APP: variants seen among roughly 807,000 people sequenced by gnomAD.
The protein encoded by APP is amyloid beta precursor protein, also known as amyloid-beta precursor protein.
Under a neutral mutation model 101.4 loss-of-function variants are expected in APP, and 31 were observed. The ratio of observed to expected loss-of-function variants is 0.31; its 90% CI spans 0.23 to 0.41. The LOEUF is 0.41. Among genes scored for constraint, APP ranks in the 10% least tolerant of loss-of-function variants. The pLI, the probability that APP is intolerant of heterozygous loss-of-function variation, is 1.00. For synonymous variants in APP, 366 were observed against 364.4 expected, an observed-to-expected ratio of 1.00 and a Z score of -0.05; for missense variants, 839 against 1,003.7, an observed-to-expected ratio of 0.84 and a Z score of 2.22.
intron 3 of APP, among the ~76,000 whole-genome samples, chr21:26,071,291 C>G (rs1161717816): frequency 6.6e-6 from 1 of 152,112 alleles, no homozygotes; most frequent in Non-Finnish European, 1.5e-5. Flanking sequence ...CCTAGCCCAT[C>G]CTATTACCCC....
intron 14 of APP, among the ~76,000 whole-genome samples, chr21:25,908,491 T>G (rs2038902049): frequency 6.6e-6 from 1 of 152,182 alleles, no homozygotes; most frequent in African/African-American, 2.4e-5. Flanking sequence ...TGTGTGTGTG[T>G]GTGCACATGT....
At chr21:26,088,028 G>T (rs183977913) in intron 3 of APP, among the ~76,000 whole-genome samples, 7 of 152,038 alleles carry the variant, frequency 4.6e-5, no homozygotes, top group Admixed American at 1.3e-4. Flanking sequence ...TAAGAGACGG[G>T]GTCTCATTAT....
At chr21:26,079,128 T>C (rs1470653826) in intron 3 of APP, among the ~76,000 whole-genome samples, 1 of 152,040 alleles carries the variant, frequency 6.6e-6, no homozygotes, top group Non-Finnish European at 1.5e-5. Context: ...AGAAGAGGGT[T>C]CTGAAGACAA....
intron 1 of APP, among the ~76,000 whole-genome samples, chr21:26,118,468 A>T (rs988362840): frequency 5.3e-5 from 8 of 152,232 alleles, no homozygotes; most frequent in African/African-American, 1.7e-4. Flanking sequence ...AACCATACAC[A>T]TACTATATAG....
chr21:26,152,158 G>A (rs1454978530), intron 1 of APP, among the ~76,000 whole-genome samples: 7 of 151,548 alleles, frequency 4.6e-5, no homozygotes, highest in East Asian at 1.9e-4. Context: ...GGTGGCGGGC[G>A]CCCGTAGTCC....
At chr21:25,969,651 G>T (rs1339004114) in intron 11 of APP, among the ~76,000 whole-genome samples, 1 of 151,654 alleles carries the variant, frequency 6.6e-6, no homozygotes, top group Non-Finnish European at 1.5e-5. Flanking sequence ...ACTAGCCTGG[G>T]TAACACAGCG....
intron 13 of APP, among the ~76,000 whole-genome samples, chr21:25,913,799 T>A (rs375491701): frequency 8.9e-4 from 136 of 152,292 alleles, no homozygotes; most frequent in African/African-American, 2.9e-3. Flanking sequence ...TTACTCTTTT[T>A]TTCTCCTCTC....
At chr21:26,057,089 T>C (rs1037496072) in intron 3 of APP, among the ~76,000 whole-genome samples, 2 of 152,220 alleles carry the variant, frequency 1.3e-5, no homozygotes, top group Non-Finnish European at 2.9e-5. Context: ...TACTTTCTAC[T>C]CAAACTTGCT....
chr21:25,891,922 C>T (rs2037724276), intron 16 of APP, 54 bp from the exon 17 acceptor site: 10 of 1,530,968 alleles, frequency 6.5e-6, no homozygotes, highest in Non-Finnish European at 8.0e-6. Context: ...ATATAATTTA[C>T]AATTTATAAA....
chr21:26,085,164 T>G (rs1046626072), intron 3 of APP, among the ~76,000 whole-genome samples: 5 of 152,218 alleles, frequency 3.3e-5, no homozygotes, highest in African/African-American at 1.2e-4. Context: ...TTCTGAAGCA[T>G]GATTAACGTT....
chr21:25,883,573 G>A (rs2037133192), intron 17 of APP, among the ~76,000 whole-genome samples: 1 of 151,778 alleles, frequency 6.6e-6, no homozygotes, highest in South Asian at 2.1e-4. Flanking sequence ...CGTGCCTGTA[G>A]TCCCAGCTAC....
At position 26,137,313 on chromosome 21, in the gene APP, A is replaced by T. The variant is rs2062942659; in HGVS notation, c.58-25167T>A. 3.3e-5 allele frequency among the ~76,000 whole-genome samples: 5 copies of T among 152,330 alleles called. No homozygotes were observed. In the South Asian group the frequency reaches 1.0e-3, roughly 32 times the overall value. ...GAGAGAAGGTTAAGGTTTCAATGAGAGCAAATGAGATTTTAAAATCTTTTC... is the reference window on the plus strand; with the variant it reads ...GAGAGAAGGTTAAGGTTTCAATGAGTGCAAATGAGATTTTAAAATCTTTTC... On this transcript the variant is annotated intron_variant, in intron 1 of 17. Coordinates refer to ENST00000346798, the MANE Select transcript of APP (RefSeq NM_000484.4).
chr21:25,943,573 C>T (rs907372301), intron 13 of APP, among the ~76,000 whole-genome samples: 3 of 151,566 alleles, frequency 2.0e-5, no homozygotes, highest in East Asian at 3.9e-4. Flanking sequence ...CTCAGCCTCC[C>T]GAGTAGCTGG....
intron 16 of APP, among the ~76,000 whole-genome samples, chr21:25,895,780 T>C (rs928176704): frequency 2.0e-5 from 3 of 152,356 alleles, no homozygotes; most frequent in East Asian, 1.9e-4. Context: ...AACATTTTTA[T>C]GAAAAGCAAA....
rs200838356 is a variant in APP, at chr21:25,918,366, G to A, written c.1688-6404C>T. Among the ~76,000 whole-genome samples the A allele has an allele frequency of 3.7e-4, 57 of 152,262 alleles. No individual in the cohort carries two copies. The East Asian group carries it at 0.01, about 27-fold the overall frequency. On this transcript the variant is annotated intron_variant, in intron 13 of 17. Transcript: ENST00000346798. ...TGCAGCCATAAAAAAGGATGAGTTC[G>A]GGAGGTGGGAGCCAAGATGGCCGAA... is the stretch of plus-strand genomic sequence containing the variant.
At chr21:26,039,800 T>A (rs1388367239) in intron 5 of APP, among the ~76,000 whole-genome samples, 1 of 151,914 alleles carries the variant, frequency 6.6e-6, no homozygotes, top group African/African-American at 2.4e-5. Context: ...CTTAATTTTT[T>A]TAATTTGCTC....
intron 5 of APP, among the ~76,000 whole-genome samples, chr21:26,023,475 G>A (rs896350082): frequency 1.3e-5 from 2 of 151,620 alleles, no homozygotes; most frequent in South Asian, 4.2e-4. Flanking sequence ...AGGAGTTCGA[G>A]GCTGCTGTGA....
chr21:26,059,035 C>T (rs984864410), intron 3 of APP, among the ~76,000 whole-genome samples: 4 of 151,312 alleles, frequency 2.6e-5, no homozygotes, highest in Admixed American at 1.3e-4. Context: ...GAGCCGAGAT[C>T]GCGCCACTGC....
chr21:26,070,866 A>G (rs969079329), intron 3 of APP, among the ~76,000 whole-genome samples: 5 of 152,214 alleles, frequency 3.3e-5, no homozygotes, highest in East Asian at 1.9e-4. Context: ...GTCAGATAGC[A>G]GAATGAGAAC....
Sources: allele counts gnomAD v4.1 joint callset (sites outside exome capture counted in the v4.1 genomes callset), GRCh38; gene constraint gnomAD v4.1.1; transcripts MANE v1.5; gene names NCBI Gene and HGNC (gene_info 2026-07-23, HGNC 2026-07-21).